Variants in AGBL4 observed in about 807,000 individuals in gnomAD.
The protein encoded by AGBL4 is cytosolic carboxypeptidase 6.
In AGBL4, 58 loss-of-function variants were observed where a neutral mutation model predicts 66.4. The observed-to-expected ratio is 0.87, with a 90% CI of 0.71 to 1.09. The LOEUF is 1.09. Among genes scored for constraint, AGBL4 ranks in the 50% least tolerant of loss-of-function variants. The pLI is 0.00. For synonymous variants in AGBL4, 234 were observed against 222.9 expected (o/e 1.05, Z -0.44); for missense variants, 579 against 631.0 (o/e 0.92, Z 0.88).
chr1:49,369,650 G>A (rs972224889), intron 3 of AGBL4, among the ~76,000 whole-genome samples: 1 of 152,070 alleles, frequency 6.6e-6, no homozygotes, highest in African/African-American at 2.4e-5. Context: ...AAAATTCACA[G>A]GGTCCTCTCA....
At chr1:49,857,097 GA>G (rs1324903209) in intron 1 of AGBL4, among the ~76,000 whole-genome samples, 3 of 150,576 alleles carry the variant, frequency 2.0e-5, no homozygotes, top group Admixed American at 6.6e-5. Flanking sequence ...TGAACAACCT[GA>G]AAAAAAATCA....
chr1:49,379,627 T>C (rs1015119054), intron 3 of AGBL4, among the ~76,000 whole-genome samples: 32 of 152,158 alleles, frequency 2.1e-4, no homozygotes, highest in Non-Finnish European at 4.1e-4. Flanking sequence ...TCTGCATCTA[T>C]TGAGATAATC....
chr1:49,807,559 G>T (rs1247855827), intron 2 of AGBL4, among the ~76,000 whole-genome samples: 1 of 152,164 alleles, frequency 6.6e-6, no homozygotes, highest in Admixed American at 6.5e-5. Context: ...ATCATACCTT[G>T]AGTCTCATCC....
At chr1:49,758,148 G>A (rs1289342073) in intron 2 of AGBL4, among the ~76,000 whole-genome samples, 4 of 152,114 alleles carry the variant, frequency 2.6e-5, no homozygotes, top group Non-Finnish European at 5.9e-5. Flanking sequence ...CCCAAGCCTT[G>A]GCAACTTCCA....
intron 3 of AGBL4, among the ~76,000 whole-genome samples, chr1:49,379,143 C>T (rs1445166727): frequency 6.6e-6 from 1 of 152,002 alleles, no homozygotes; most frequent in Admixed American, 6.6e-5. Flanking sequence ...CAGGCTGAGG[C>T]TTCTTCACAA....
At chr1:49,822,894 T>G (rs1262767273) in intron 2 of AGBL4, among the ~76,000 whole-genome samples, 3 of 152,172 alleles carry the variant, frequency 2.0e-5, no homozygotes, top group Non-Finnish European at 4.4e-5. Flanking sequence ...TCCATTTGTG[T>G]CCATATGACT....
intron 4 of AGBL4, among the ~76,000 whole-genome samples, chr1:49,168,436 C>T (rs1217271485): frequency 6.6e-6 from 1 of 152,088 alleles, no homozygotes; most frequent in South Asian, 2.1e-4. Context: ...TTGATGCTAC[C>T]AATAACCCTA....
intron 3 of AGBL4, among the ~76,000 whole-genome samples, chr1:49,667,271 C>T (rs1201914142): frequency 6.6e-6 from 1 of 151,936 alleles, no homozygotes; most frequent in African/African-American, 2.4e-5. Flanking sequence ...CCAGCCTGGG[C>T]AACATGACAA....
chr1:49,336,214 C>A (rs961150009), intron 3 of AGBL4, among the ~76,000 whole-genome samples: 1 of 151,844 alleles, frequency 6.6e-6, no homozygotes, highest in South Asian at 2.1e-4. Context: ...AGACCAAAGC[C>A]CCCCCTGAGA....
At chr1:49,895,196 TAA>T (rs758153230) in intron 1 of AGBL4, among the ~76,000 whole-genome samples, 65 of 131,352 alleles carry the variant, frequency 4.9e-4, no homozygotes, top group African/African-American at 1.5e-3. Context: ...TTTCCCAGTT[TAA>T]AAAAAAAAAA....
chr1:49,836,277 T>A (rs1645847258), intron 2 of AGBL4, among the ~76,000 whole-genome samples: 1 of 152,178 alleles, frequency 6.6e-6, no homozygotes, highest in South Asian at 2.1e-4. Flanking sequence ...GTTCATTCCT[T>A]TTCATTCTTT....
intron 3 of AGBL4, among the ~76,000 whole-genome samples, chr1:49,671,259 G>T (rs1299602622): frequency 2.6e-5 from 4 of 152,100 alleles, no homozygotes; most frequent in Admixed American, 2.0e-4. Context: ...AATAAATAGT[G>T]CTGGGATAAC....
At chr1:50,004,384 G>A (rs958686713) in intron 1 of AGBL4, among the ~76,000 whole-genome samples, 2 of 152,110 alleles carry the variant, frequency 1.3e-5, no homozygotes, top group African/African-American at 2.4e-5. Flanking sequence ...GTAATTCCTG[G>A]GCAAGTCCTG....
At chr1:49,755,506 AAACT>A (rs1335680507) in intron 2 of AGBL4, among the ~76,000 whole-genome samples, 6 of 152,160 alleles carry the variant, frequency 3.9e-5, no homozygotes, top group Non-Finnish European at 8.8e-5. Context: ...ACAAAATACT[AAACT>A]AACTCTAATG....
chr1:49,070,918 A>G (rs1644590600), intron 4 of AGBL4, among the ~76,000 whole-genome samples: 1 of 151,948 alleles, frequency 6.6e-6, no homozygotes, highest in South Asian at 2.1e-4. Flanking sequence ...CCTCAATTTC[A>G]GAACCTGTTA....
chr1:49,063,001 AT>A (rs556781658), intron 4 of AGBL4, among the ~76,000 whole-genome samples: 96 of 152,318 alleles, frequency 6.3e-4, no homozygotes, highest in Non-Finnish European at 1.2e-3. Flanking sequence ...TTTTAGGGTT[AT>A]TATGTTAATT....
chr1:49,791,122 T>G (rs569098331), intron 2 of AGBL4, among the ~76,000 whole-genome samples: 1 of 151,986 alleles, frequency 6.6e-6, no homozygotes, highest in African/African-American at 2.4e-5. Flanking sequence ...ATATAAGAAG[T>G]GTGAAATGTA....
intron 1 of AGBL4, among the ~76,000 whole-genome samples, chr1:50,004,996 G>C (rs1661025927): frequency 6.6e-6 from 1 of 152,160 alleles, no homozygotes; most frequent in South Asian, 2.1e-4. Context: ...AGCACAAGCA[G>C]ATTCCTAAGG....
rs1167465214 is a variant in AGBL4 at position 49,762,988 on chromosome 1, C to T, written c.158-65551G>A. ...CGTCATAAAGTATTTCTCCTGTTTTCTTCTAGTACTTTCATATTATAGTTT... is the reference window on the plus strand; with the variant it reads ...CGTCATAAAGTATTTCTCCTGTTTTTTTCTAGTACTTTCATATTATAGTTT... On this transcript the variant is annotated intron_variant, in intron 2 of 13. Coordinates refer to ENST00000371839, the MANE Select transcript of AGBL4 (RefSeq NM_032785.4). 2.0e-5 allele frequency among the ~76,000 whole-genome samples: 3 copies of T among 152,136 alleles called. No individual in the cohort carries two copies. In the South Asian group the frequency reaches 6.2e-4, roughly 31 times the overall value.
Sources: allele counts gnomAD v4.1 joint callset (sites outside exome capture counted in the v4.1 genomes callset), GRCh38; gene constraint gnomAD v4.1.1; transcripts MANE v1.5; gene names NCBI Gene and HGNC (gene_info 2026-07-23, HGNC 2026-07-21).